ADPGK: variants seen among roughly 807,000 people sequenced by gnomAD.
ADPGK encodes ADP dependent glucokinase.
ADPGK carries 26 observed loss-of-function variants against 42.4 expected under a neutral mutation model. The observed-to-expected ratio is 0.61, with a 90% CI of 0.45 to 0.85. ADPGK has a LOEUF of 0.85. Ranked by LOEUF, ADPGK falls within the 40% of genes least tolerant of loss-of-function variation. The probability of loss-of-function intolerance (pLI) is 0.00; values close to 1 mark genes in which losing one functional copy is unlikely to be tolerated. For missense variants in ADPGK, 571 were observed against 627.0 expected, an observed-to-expected ratio of 0.91 and a Z score of 0.95; for synonymous variants, 267 against 252.6, an observed-to-expected ratio of 1.06 and a Z score of -0.54.
intron 3 of ADPGK, 98 bp from the exon 4 acceptor site, chr15:72,760,625 C>T (rs984270828): frequency 7.3e-7 from 1 of 1,375,230 alleles, no homozygotes; most frequent in Non-Finnish European, 9.6e-7. Flanking sequence ...TGATTCTAAT[C>T]ATTTCAACAA....
chr15:72,755,710 AG>A, intron 5 of ADPGK, 56 bp from the exon 6 acceptor site: 2 of 1,359,632 alleles, frequency 1.5e-6, no homozygotes, highest in Non-Finnish European at 2.1e-6. Context: ...GTCAAGAAAG[AG>A]GGAAGAAAAG....
intron 3 of ADPGK, 80 bp downstream of exon 3, chr15:72,771,703 G>C: frequency 7.5e-7 from 1 of 1,330,020 alleles, no homozygotes; most frequent in Admixed American, 1.9e-5. Context: ...TTGAATCAAG[G>C]AATAGATACT....
intron 6 of ADPGK, among the ~76,000 whole-genome samples, chr15:72,754,061 C>A (rs1220439612): frequency 6.7e-6 from 1 of 150,094 alleles, no homozygotes; most frequent in Non-Finnish European, 1.5e-5. Flanking sequence ...TTGCTATGCA[C>A]CTAATATTAC....
intron 3 of ADPGK, among the ~76,000 whole-genome samples, chr15:72,762,230 C>T (rs903628734): frequency 2.0e-5 from 3 of 152,008 alleles, no homozygotes; most frequent in African/African-American, 4.8e-5. Context: ...AGGCTAGTCT[C>T]GAACTCCTGA....
At chr15:72,779,244 GTTT>G (rs35321622) in intron 1 of ADPGK, among the ~76,000 whole-genome samples, 8 of 107,226 alleles carry the variant, frequency 7.5e-5, no homozygotes, top group East Asian at 5.4e-4. Context: ...TAGCATGAGG[GTTT>G]TTTTTTTTTT....
chr15:72,765,166 A>G (rs1435750148), intron 3 of ADPGK, among the ~76,000 whole-genome samples: 1 of 151,958 alleles, frequency 6.6e-6, no homozygotes, highest in Non-Finnish European at 1.5e-5. Context: ...TTTTTTTTTG[A>G]GACAGTCTGG....
chr15:72,760,658 T>G, intron 3 of ADPGK, 131 bp from the exon 4 acceptor site: 1 of 1,271,256 alleles, frequency 7.9e-7, no homozygotes, highest in Non-Finnish European at 1.0e-6. Flanking sequence ...CAAATCTAAT[T>G]TTGAAAGCTG....
chr15:72,752,335 A>C lies in ADPGK; in HGVS notation c.*6T>G. The stretch of plus-strand genomic sequence containing the variant: ...TTCCTCAGAAAAATTACCCCTAAGA[A>C]TCTTCCTAATAGTGAGGGTGTACTT... On this transcript the variant is annotated 3_prime_UTR_variant, in exon 7 of 7. Coordinates refer to ENST00000456471, the MANE Select transcript of ADPGK (RefSeq NM_001365225.1). The C allele has an allele frequency of 6.3e-7, 1 of 1,592,940 alleles. No individual in the cohort carries two copies. The highest frequency in any genetic ancestry group is 8.6e-7 in the Non-Finnish European group (1 of 1,166,014).
At chr15:72,769,440 G>A (rs1216093692) in intron 3 of ADPGK, among the ~76,000 whole-genome samples, 3 of 152,138 alleles carry the variant, frequency 2.0e-5, no homozygotes, top group Non-Finnish European at 4.4e-5. Context: ...CCGCCTCCCG[G>A]GTTCGAGCGA....
intron 3 of ADPGK, among the ~76,000 whole-genome samples, chr15:72,763,947 G>A (rs2066226498): frequency 6.6e-6 from 1 of 152,190 alleles, no homozygotes; most frequent in African/African-American, 2.4e-5. Flanking sequence ...TCCCACATAA[G>A]ACAGTGAACT....
At chr15:72,759,087 G>A (rs938078888) in intron 4 of ADPGK, among the ~76,000 whole-genome samples, 4 of 152,236 alleles carry the variant, frequency 2.6e-5, no homozygotes, top group African/African-American at 9.6e-5. Flanking sequence ...ATAGGCGCCC[G>A]CCTCCACACC....
chr15:72,769,050 A>G (rs1329792739), intron 3 of ADPGK, among the ~76,000 whole-genome samples: 1 of 152,188 alleles, frequency 6.6e-6, no homozygotes, highest in African/African-American at 2.4e-5. Context: ...CCCTGACAGC[A>G]AAACCACAGA....
rs1267290633 is a variant in ADPGK, at chr15:72,774,931, T to C, written c.400A>G (p.Ser134Gly). 2 of 1,614,212 alleles carry C rather than the reference T, an allele frequency of 1.2e-6. No homozygotes were observed. Among genetic ancestry groups the C allele is most frequent in the Non-Finnish European group, 1.7e-6 (2 of 1,180,030 alleles). ...ATGTCGTGAAAAGTTTCCTTATCAC[T>C]GAAGAAGCGCTCAGCAGCTGCTCCC... ...GKGAAAERFF[S>G]DKETFHDIAQ... The change falls in exon 2 of 7, where the codon AGT becomes GGT. Residue 134 changes from serine to glycine, a missense_variant. Transcript: ENST00000456471.
chr15:72,782,543 A>AAAC (rs1400376156), intron 1 of ADPGK, among the ~76,000 whole-genome samples: 26 of 150,970 alleles, frequency 1.7e-4, no homozygotes, highest in Non-Finnish European at 8.9e-5. Flanking sequence ...AAAAAAAAAA[A>AAAC]AAAAACCCCA....
At chr15:72,766,742 C>T (rs1030960336) in intron 3 of ADPGK, among the ~76,000 whole-genome samples, 17 of 151,860 alleles carry the variant, frequency 1.1e-4, no homozygotes, top group East Asian at 5.8e-4. Flanking sequence ...GAAAGTAGAC[C>T]GTGATAAGCT....
chr15:72,779,351 C>T (rs911625264), intron 1 of ADPGK, among the ~76,000 whole-genome samples: 3 of 147,344 alleles, frequency 2.0e-5, no homozygotes, highest in East Asian at 4.0e-4. Context: ...TGGGTTGAAG[C>T]GATTCTCCTG....
intron 3 of ADPGK, among the ~76,000 whole-genome samples, chr15:72,761,197 T>C (rs1244471811): frequency 1.3e-5 from 2 of 152,226 alleles, no homozygotes; most frequent in Non-Finnish European, 2.9e-5. Flanking sequence ...TGTGCTACTA[T>C]GGCAGCCAAA....
chr15:72,761,584 C>T (rs2066193444), intron 3 of ADPGK, among the ~76,000 whole-genome samples: 1 of 152,200 alleles, frequency 6.6e-6, no homozygotes, highest in Non-Finnish European at 1.5e-5. Flanking sequence ...CTCCAATAAA[C>T]CGCTGTTTTT....
chr15:72,782,960 GAT>G (rs1314234342), intron 1 of ADPGK: 1 of 153,142 alleles, frequency 6.5e-6, no homozygotes, highest in Non-Finnish European at 1.5e-5. Flanking sequence ...CTGCAGAGTA[GAT>G]AATGAAGATT....
Sources: gnomAD v4.1 joint callset for allele counts (sites outside exome capture counted in the v4.1 genomes callset) on GRCh38, gnomAD v4.1.1 for gene constraint, MANE v1.5 for transcripts, NCBI Gene and HGNC (gene_info 2026-07-23, HGNC 2026-07-21) for gene names.